Variants in ZYG11B observed in about 807,000 individuals in gnomAD.
ZYG11B encodes zyg-11 family member B, cell cycle regulator.
Under a neutral mutation model 82.4 loss-of-function variants are expected in ZYG11B, and 36 were observed. That is an observed-to-expected ratio of 0.44 (90% confidence interval 0.33 to 0.58). The LOEUF (loss-of-function observed/expected upper bound fraction) is 0.58. Ranked by LOEUF, ZYG11B falls within the 20% of genes least tolerant of loss-of-function variation. The pLI is 0.02. For missense variants in ZYG11B, 552 were observed against 895.6 expected, an observed-to-expected ratio of 0.62 and a Z score of 4.90; for synonymous variants, 303 against 312.8, an observed-to-expected ratio of 0.97 and a Z score of 0.33.
At chr1:52,750,128 T>A (rs1462669113) in intron 1 of ZYG11B, among the ~76,000 whole-genome samples, 1 of 152,070 alleles carries the variant, frequency 6.6e-6, no homozygotes, top group African/African-American at 2.4e-5. Flanking sequence ...GACGGAGTCT[T>A]GCTCTGTCAC....
chr1:52,741,321 A>AAAAAAAT (rs1481484800), intron 1 of ZYG11B, among the ~76,000 whole-genome samples: 5 of 125,478 alleles, frequency 4.0e-5, no homozygotes, highest in Admixed American at 8.8e-5. Context: ...AAAAAAAAAG[A>AAAAAAAT]AAAGAAAAGA....
chr1:52,811,812 C>T (rs879862297), intron 10 of ZYG11B, among the ~76,000 whole-genome samples: 17 of 151,960 alleles, frequency 1.1e-4, no homozygotes, highest in Admixed American at 5.2e-4. Context: ...GGGCGGATCA[C>T]GAGGTCAGGA....
intron 2 of ZYG11B, among the ~76,000 whole-genome samples, chr1:52,762,561 G>A (rs1162672962): frequency 1.3e-5 from 2 of 151,596 alleles, no homozygotes; most frequent in African/African-American, 4.8e-5. Context: ...GTCCTGAAGT[G>A]TTTCCACTAT....
intron 1 of ZYG11B, among the ~76,000 whole-genome samples, chr1:52,727,847 T>A (rs1644298182): frequency 6.6e-6 from 1 of 152,240 alleles, no homozygotes; most frequent in East Asian, 1.9e-4. Context: ...CTCCATCATA[T>A]GCAACAAGCT....
chr1:52,742,854 A>G (rs1558118005), intron 1 of ZYG11B, among the ~76,000 whole-genome samples: 1 of 151,432 alleles, frequency 6.6e-6, no homozygotes, highest in Non-Finnish European at 1.5e-5. Context: ...AAAAAAAAAA[A>G]AAGAGTCAAA....
rs539182645 is a variant in ZYG11B at position 52,796,900 on chromosome 1, T to TTA, written c.1485+126_1485+127dup. 665 of 106,566 alleles carry TTA rather than the reference T, an allele frequency of 6.2e-3. 4 individuals carry two copies. Among genetic ancestry groups the TTA allele is most frequent in the Non-Finnish European group, 8.5e-3 (490 of 57,336 alleles). The allele number at this position is 106,566 out of a possible 1,614,324, so 6.6% of individuals were successfully genotyped here. A position where few individuals can be genotyped will look rare whatever the true frequency, so the allele number is the denominator to read the frequency against. ...ATATATAATTATATATAATATATAA[T>TTA]TATATATATATTATATATTATATAT... On this transcript the variant is annotated intron_variant, in intron 8 of 13. Transcript: ENST00000294353.
intron 1 of ZYG11B, among the ~76,000 whole-genome samples, chr1:52,741,420 CATAGG>C (rs1644431027): frequency 1.3e-5 from 2 of 151,798 alleles, no homozygotes; most frequent in African/African-American, 4.8e-5. Context: ...CTCAATTTCT[CATAGG>C]TACCTGTGAA....
At chr1:52,818,893 A>C (rs1345620442) in intron 13 of ZYG11B, among the ~76,000 whole-genome samples, 3 of 151,020 alleles carry the variant, frequency 2.0e-5, no homozygotes, top group Admixed American at 1.3e-4. Flanking sequence ...TCCCAGATTC[A>C]AGCATTTCTC....
At chr1:52,801,372 AC>A (rs1278436836) in intron 8 of ZYG11B, among the ~76,000 whole-genome samples, 1 of 152,212 alleles carries the variant, frequency 6.6e-6, no homozygotes, top group Non-Finnish European at 1.5e-5. Context: ...TTGACTATGA[AC>A]AAATTAGTTA....
intron 12 of ZYG11B, 65 bp from the exon 13 acceptor site, chr1:52,816,466 TC>T: frequency 1.8e-6 from 2 of 1,106,272 alleles, no homozygotes; most frequent in Non-Finnish European, 2.7e-6. Flanking sequence ...AGTTTAGGAA[TC>T]ACTGCTTTAG....
chr1:52,765,082 G>A (rs976467608), intron 2 of ZYG11B, among the ~76,000 whole-genome samples: 3 of 150,406 alleles, frequency 2.0e-5, no homozygotes, highest in Non-Finnish European at 4.4e-5. Flanking sequence ...AGATGGAGTC[G>A]CACTATGTTG....
rs10643364 is a variant in ZYG11B, at chr1:52,738,985, C to CTTTTTTTTTTTTTTT, written c.30+12315_30+12316insTTTTTTTTTTTTTTT. 2.4e-4 allele frequency among the ~76,000 whole-genome samples: 26 copies of CTTTTTTTTTTTTTTT among 106,272 alleles called. 3 individuals carry two copies. Among genetic ancestry groups the CTTTTTTTTTTTTTTT allele is most frequent in the African/African-American group, 5.2e-4 (13 of 25,186 alleles). The allele number at this position is 106,272 out of a possible 152,430, so 69.7% of individuals were successfully genotyped here. A position where few individuals can be genotyped will look rare whatever the true frequency, so the allele number is the denominator to read the frequency against. On this transcript the variant is annotated intron_variant, in intron 1 of 13. Coordinates refer to ENST00000294353, the MANE Select transcript of ZYG11B (RefSeq NM_024646.3). ...ATTTTCATTTCATAGGCCCTGTAAC[C>CTTTTTTTTTTTTTTT]TTTTTTTTTTTTTGGAGACAGAGTC...
In ZYG11B at chr1:52,771,256, T is replaced by TA; in HGVS notation, c.433_434insA (p.Ser145TyrfsTer33). 6.2e-7 allele frequency: 1 copy of TA among 1,614,226 alleles called. No homozygotes were observed. The highest frequency in any genetic ancestry group is 8.5e-7 in the Non-Finnish European group (1 of 1,180,038). ...GAATCTCCAGTGCCTGGTGCTGAAT[T>TA]CATTAACTCTCTCCCTCGAGGATCC... On this transcript the variant is annotated frameshift_variant, in exon 3 of 14. Coordinates refer to ENST00000294353, the MANE Select transcript of ZYG11B (RefSeq NM_024646.3). LOFTEE classifies it high-confidence loss of function. The surrounding 1 kb of genome is among the most constrained non-coding windows in gnomAD (Gnocchi z 5.4).
intron 1 of ZYG11B, among the ~76,000 whole-genome samples, chr1:52,741,340 T>A (rs577631829): frequency 2.2e-4 from 32 of 145,696 alleles, no homozygotes; most frequent in African/African-American, 6.4e-4. Flanking sequence ...GAAAGTTTTT[T>A]AAAAACCCAA....
At chr1:52,756,953 G>A (rs2149930129) in intron 2 of ZYG11B, among the ~76,000 whole-genome samples, 1 of 151,622 alleles carries the variant, frequency 6.6e-6, no homozygotes, top group Non-Finnish European at 1.5e-5. Flanking sequence ...GTGTAGCTGG[G>A]ACCACAGGCT....
chr1:52,735,476 TGTATA>T (rs1455053591), intron 1 of ZYG11B, among the ~76,000 whole-genome samples: 1 of 152,126 alleles, frequency 6.6e-6, no homozygotes, highest in African/African-American at 2.4e-5. Flanking sequence ...AAAAAGAAAT[TGTATA>T]GTAACTAGGC....
chr1:52,773,361 C>A (rs1217603885), intron 3 of ZYG11B, among the ~76,000 whole-genome samples: 1 of 150,920 alleles, frequency 6.6e-6, no homozygotes, highest in Admixed American at 6.6e-5. Flanking sequence ...GTAGTCCTAG[C>A]TACTCAGGAG....
chr1:52,816,753 C>A, intron 13 of ZYG11B, 124 bp downstream of exon 13: 1 of 664,730 alleles, frequency 1.5e-6, no homozygotes, highest in South Asian at 1.7e-5. Flanking sequence ...AATGTAAGGC[C>A]ATCTTAGGTT....
intron 3 of ZYG11B, chr1:52,772,212 G>T (rs944001374): frequency 3.5e-5 from 51 of 1,454,234 alleles, no homozygotes; most frequent in Non-Finnish European, 4.6e-5. Flanking sequence ...CCAGGGCAGA[G>T]GCTGTAGATG....
Sources: gnomAD v4.1 joint callset for allele counts (sites outside exome capture counted in the v4.1 genomes callset) on GRCh38, gnomAD v4.1.1 for gene constraint, Gnocchi (gnomAD v3.1) non-coding constraint, MANE v1.5 for transcripts, NCBI Gene and HGNC (gene_info 2026-07-23, HGNC 2026-07-21) for gene names.